PPP2R5E: variants seen among roughly 807,000 people sequenced by gnomAD.
The protein encoded by PPP2R5E is serine/threonine-protein phosphatase 2A 56 kDa regulatory subunit epsilon isoform.
PPP2R5E carries 4 observed loss-of-function variants against 65.3 expected under a neutral mutation model. The observed-to-expected ratio is 0.06, with a 90% CI of 0.03 to 0.14. The LOEUF is 0.14. Ranked by LOEUF, PPP2R5E falls within the 10% of genes least tolerant of loss-of-function variation. PPP2R5E has a pLI of 1.00. For missense variants in PPP2R5E, 274 were observed against 556.1 expected, an observed-to-expected ratio of 0.49 and a Z score of 5.10; for synonymous variants, 183 against 187.4, an observed-to-expected ratio of 0.98 and a Z score of 0.19.
chr14:63,428,473 C>G (rs777035359), intron 3 of PPP2R5E, among the ~76,000 whole-genome samples: 2 of 152,058 alleles, frequency 1.3e-5, no homozygotes, highest in Non-Finnish European at 2.9e-5. Context: ...TAATTAGATG[C>G]CTTGTATTTT....
chr14:63,504,011 A>G (rs911311376), intron 2 of PPP2R5E, among the ~76,000 whole-genome samples: 2 of 152,200 alleles, frequency 1.3e-5, no homozygotes, highest in Admixed American at 6.5e-5. Context: ...ACATCACTTC[A>G]TTATTCAGAA....
At chr14:63,439,397 G>A (rs754133243) in intron 3 of PPP2R5E, among the ~76,000 whole-genome samples, 7 of 150,850 alleles carry the variant, frequency 4.6e-5, no homozygotes, top group Non-Finnish European at 1.0e-4. Flanking sequence ...TTTTTGAGAC[G>A]GAGTTTTGCT....
intron 2 of PPP2R5E, among the ~76,000 whole-genome samples, chr14:63,505,730 T>C (rs1357023959): frequency 6.6e-6 from 1 of 152,186 alleles, no homozygotes; most frequent in African/African-American, 2.4e-5. Context: ...GAGAAATCCA[T>C]GCATTCATTC....
intron 2 of PPP2R5E, among the ~76,000 whole-genome samples, chr14:63,484,422 G>A (rs188707017): frequency 2.0e-5 from 3 of 149,274 alleles, no homozygotes; most frequent in Admixed American, 6.7e-5. Context: ...GAACACCAAG[G>A]ACTTCTAAGC....
At chr14:63,465,899 AG>A (rs1236657791) in intron 2 of PPP2R5E, among the ~76,000 whole-genome samples, 6 of 152,328 alleles carry the variant, frequency 3.9e-5, no homozygotes, top group African/African-American at 1.4e-4. Flanking sequence ...AAAATCTTCA[AG>A]AAAAAAGATT....
chr14:63,384,842 C>A (rs773544590), intron 11 of PPP2R5E, among the ~76,000 whole-genome samples: 9 of 152,096 alleles, frequency 5.9e-5, no homozygotes, highest in Non-Finnish European at 1.3e-4. Context: ...ATTACAGGCA[C>A]ATGCCACTAT....
At chr14:63,504,280 A>C (rs1235944760) in intron 2 of PPP2R5E, among the ~76,000 whole-genome samples, 1 of 152,062 alleles carries the variant, frequency 6.6e-6, no homozygotes, top group Non-Finnish European at 1.5e-5. Flanking sequence ...AACAAAAAAA[A>C]CCCACCCAAG....
chr14:63,508,595 A>G (rs1892324739), intron 2 of PPP2R5E, among the ~76,000 whole-genome samples: 1 of 152,238 alleles, frequency 6.6e-6, no homozygotes, highest in South Asian at 2.1e-4. Context: ...GAGAGATTAA[A>G]TAACTTAATC....
intron 3 of PPP2R5E, among the ~76,000 whole-genome samples, chr14:63,450,810 A>C (rs1467297640): frequency 6.6e-6 from 1 of 152,030 alleles, no homozygotes; most frequent in African/African-American, 2.4e-5. Context: ...ACAAATTCCC[A>C]AAATGGTGAG....
At chr14:63,414,310 G>T (rs781122462) in intron 5 of PPP2R5E, among the ~76,000 whole-genome samples, 1 of 152,096 alleles carries the variant, frequency 6.6e-6, no homozygotes, top group Admixed American at 6.5e-5. Context: ...TAGAGACAGG[G>T]TCTTGCTCTT....
intron 5 of PPP2R5E, among the ~76,000 whole-genome samples, chr14:63,397,371 G>A (rs931231734): frequency 6.6e-6 from 1 of 151,732 alleles, no homozygotes; most frequent in Admixed American, 6.6e-5. Context: ...GTGTGGTGGC[G>A]GGCACCTGTA....
At chr14:63,475,043 T>A (rs747150996) in intron 2 of PPP2R5E, among the ~76,000 whole-genome samples, 8 of 152,234 alleles carry the variant, frequency 5.3e-5, no homozygotes, top group Non-Finnish European at 8.8e-5. Flanking sequence ...ACATGTGACA[T>A]GCAGGTGGCC....
intron 2 of PPP2R5E, among the ~76,000 whole-genome samples, chr14:63,535,528 T>C (rs1893635050): frequency 6.6e-6 from 1 of 152,228 alleles, no homozygotes; most frequent in African/African-American, 2.4e-5. Context: ...GTATTATTTA[T>C]AAATCAAAGA....
intron 2 of PPP2R5E, among the ~76,000 whole-genome samples, chr14:63,530,357 C>A: frequency 6.6e-6 from 1 of 151,182 alleles, no homozygotes; most frequent in East Asian, 1.9e-4. Flanking sequence ...CTCAGCCTCC[C>A]GAGTAGCTGG....
At chr14:63,378,073 T>C (rs1884092394) in intron 13 of PPP2R5E, among the ~76,000 whole-genome samples, 1 of 152,220 alleles carries the variant, frequency 6.6e-6, no homozygotes, top group Admixed American at 6.5e-5. Flanking sequence ...TGACAAATTA[T>C]CACTTTTTGT....
In PPP2R5E at chr14:63,373,419, T is replaced by A. The variant is rs1883798480; in HGVS notation, c.*2590A>T. The A allele has an allele frequency of 6.6e-6, 1 of 152,210 alleles. No homozygotes were observed. Among genetic ancestry groups the A allele is most frequent in the African/African-American group, 2.4e-5 (1 of 41,448 alleles). The allele number at this position is 152,210 out of a possible 1,614,324, so 9.4% of individuals were successfully genotyped here. On this transcript the variant is annotated 3_prime_UTR_variant, in exon 14 of 14. Transcript: ENST00000337537. ...TGCAGCAAGTACGTCCTGAAATATG[T>A]CACATAGTGCAACAGTCAGATTACC...
intron 2 of PPP2R5E, among the ~76,000 whole-genome samples, chr14:63,491,852 AAATT>A (rs1238517209): frequency 2.0e-5 from 3 of 152,256 alleles, no homozygotes; most frequent in South Asian, 2.1e-4. Flanking sequence ...CATCTCAAAA[AAATT>A]AATTAATTAA....
chr14:63,392,425 T>C (rs928132962), intron 8 of PPP2R5E, among the ~76,000 whole-genome samples: 4 of 152,206 alleles, frequency 2.6e-5, no homozygotes, highest in Non-Finnish European at 5.9e-5. Context: ...GAGTCCTCTA[T>C]GGGAAGTAAG....
chr14:63,430,340 C>A (rs547118035), intron 3 of PPP2R5E, among the ~76,000 whole-genome samples: 34 of 136,368 alleles, frequency 2.5e-4, no homozygotes, highest in Middle Eastern at 3.5e-3. Context: ...ATGGAGAAAA[C>A]CCATGTATAC....
Sources: gnomAD v4.1 joint callset for allele counts (sites outside exome capture counted in the v4.1 genomes callset) on GRCh38, gnomAD v4.1.1 for gene constraint, MANE v1.5 for transcripts, NCBI Gene and HGNC (gene_info 2026-07-23, HGNC 2026-07-21) for gene names.